The following MINDY2 variants were observed in gnomAD, a reference collection of about 807,000 sequenced individuals.
MINDY2 encodes ubiquitin carboxyl-terminal hydrolase MINDY-2.
Under a neutral mutation model 68.2 loss-of-function variants are expected in MINDY2, and 52 were observed. That is an observed-to-expected ratio of 0.76 (90% CI 0.61 to 0.96). The LOEUF (loss-of-function observed/expected upper bound fraction) is 0.96. MINDY2 is among the 40% of genes least tolerant of loss of function. MINDY2 has a pLI of 0.00. For missense variants in MINDY2, 881 were observed against 773.4 expected, an observed-to-expected ratio of 1.14 and a Z score of -1.65; for synonymous variants, 372 against 303.0, an observed-to-expected ratio of 1.23 and a Z score of -2.36.
intron 2 of MINDY2, chr15:58,796,099 C>A (rs1483283730): frequency 2.2e-6 from 1 of 455,672 alleles, no homozygotes; most frequent in Non-Finnish European, 4.4e-6. Flanking sequence ...ATCTGGGAGG[C>A]AAGGAAATGG....
chr15:58,809,568 T>C (rs1030340643), intron 3 of MINDY2, among the ~76,000 whole-genome samples: 1 of 152,240 alleles, frequency 6.6e-6, no homozygotes, highest in African/African-American at 2.4e-5. Flanking sequence ...TCAGTTATTT[T>C]AGATTCACCA....
intron 5 of MINDY2, among the ~76,000 whole-genome samples, chr15:58,828,346 C>G (rs1010811639): frequency 6.6e-6 from 1 of 152,068 alleles, no homozygotes; most frequent in Admixed American, 6.6e-5. Flanking sequence ...AAGTTAAGTT[C>G]TCACTAAGCT....
chr15:58,849,361 C>T (rs1174708444), intron 7 of MINDY2, among the ~76,000 whole-genome samples: 7 of 151,838 alleles, frequency 4.6e-5, no homozygotes, highest in Admixed American at 3.9e-4. Context: ...AAAAATTAGC[C>T]GGGCATGGTG....
At chr15:58,844,711 G>A (rs2141052439) in intron 6 of MINDY2, among the ~76,000 whole-genome samples, 1 of 151,680 alleles carries the variant, frequency 6.6e-6, no homozygotes, top group South Asian at 2.1e-4. Flanking sequence ...GAGGTCAGGA[G>A]TTCGAGACCA....
chr15:58,793,930 G>A (rs1902100675), intron 2 of MINDY2, among the ~76,000 whole-genome samples: 1 of 152,106 alleles, frequency 6.6e-6, no homozygotes, highest in African/African-American at 2.4e-5. Context: ...TACCTTTGAG[G>A]TTAGTGAAAC....
At chr15:58,849,963 C>T (rs1286324417) in intron 7 of MINDY2, among the ~76,000 whole-genome samples, 1 of 152,202 alleles carries the variant, frequency 6.6e-6, no homozygotes. Flanking sequence ...TCTCGAACTC[C>T]TGGGCTCAAG....
At chr15:58,821,649 T>C in intron 4 of MINDY2, 68 bp from the exon 5 acceptor site, 2 of 875,804 alleles carry the variant, frequency 2.3e-6, no homozygotes, top group Non-Finnish European at 1.7e-6. Flanking sequence ...TTCTAAAGAG[T>C]GATATGGCTT....
chr15:58,784,020 G>C (rs1397361541), intron 1 of MINDY2, among the ~76,000 whole-genome samples: 1 of 151,938 alleles, frequency 6.6e-6, no homozygotes, highest in Non-Finnish European at 1.5e-5. Flanking sequence ...AAATATTCTT[G>C]TGCTTATATT....
intron 8 of MINDY2, among the ~76,000 whole-genome samples, chr15:58,853,505 G>C (rs1005676872): frequency 2.8e-4 from 42 of 152,082 alleles, no homozygotes; most frequent in African/African-American, 8.9e-4. Context: ...CCAATTCTCA[G>C]GGGTTCTTTT....
intron 4 of MINDY2, among the ~76,000 whole-genome samples, chr15:58,813,592 G>C (rs536930897): frequency 6.6e-6 from 1 of 152,144 alleles, no homozygotes; most frequent in East Asian, 1.9e-4. Context: ...GTTGCTTGTT[G>C]GTTTGTGTGT....
At chr15:58,827,601 C>CT (rs2141011985) in intron 5 of MINDY2, among the ~76,000 whole-genome samples, 1 of 152,158 alleles carries the variant, frequency 6.6e-6, no homozygotes, top group South Asian at 2.1e-4. Flanking sequence ...GTAGCTGAGA[C>CT]TACAGGCGCC....
At chr15:58,788,302 A>C (rs996582328) in intron 2 of MINDY2, among the ~76,000 whole-genome samples, 1 of 152,238 alleles carries the variant, frequency 6.6e-6, no homozygotes, top group African/African-American at 2.4e-5. Context: ...GTAGACTTGA[A>C]TTAAAGACAA....
At chr15:58,804,291 A>G (rs1194735913) in intron 3 of MINDY2, among the ~76,000 whole-genome samples, 1 of 152,206 alleles carries the variant, frequency 6.6e-6, no homozygotes, top group Non-Finnish European at 1.5e-5. Context: ...TCCAATATAT[A>G]AAACCAGTAC....
intron 6 of MINDY2, among the ~76,000 whole-genome samples, chr15:58,837,505 A>G (rs1209775162): frequency 6.6e-6 from 1 of 150,478 alleles, no homozygotes; most frequent in Non-Finnish European, 1.5e-5. Context: ...CCCTGAGCCC[A>G]GGAGGGTGAG....
In MINDY2 at chr15:58,854,755, T is replaced by C; in HGVS notation, c.*145T>C. ...TTTCAGGGGAACGGTTGTTACTTAG[T>C]TACAATCAGACTTTTTCAAGTCACA... On this transcript the variant is annotated 3_prime_UTR_variant, in exon 9 of 9. Transcript: ENST00000559228. 1 of 884,782 alleles carries C rather than the reference T, an allele frequency of 1.1e-6. No individual in the cohort carries two copies. Among genetic ancestry groups the C allele is most frequent in the Non-Finnish European group, 1.6e-6 (1 of 607,096 alleles). 54.8% of individuals were successfully genotyped at this position (884,782 alleles called of 1,614,324 possible).
intron 7 of MINDY2, among the ~76,000 whole-genome samples, chr15:58,848,455 T>C (rs1265303290): frequency 1.3e-5 from 2 of 152,182 alleles, no homozygotes; most frequent in African/African-American, 4.8e-5. Flanking sequence ...CAAAAGAATA[T>C]TTAATTCTCC....
chr15:58,847,698 A>G (rs1276797345), intron 7 of MINDY2, among the ~76,000 whole-genome samples: 1 of 152,216 alleles, frequency 6.6e-6, no homozygotes, highest in Non-Finnish European at 1.5e-5. Context: ...AGAAGTTTGA[A>G]TTTTATTCTA....
intron 7 of MINDY2, among the ~76,000 whole-genome samples, chr15:58,849,715 T>G (rs755898513): frequency 6.6e-6 from 1 of 152,180 alleles, no homozygotes; most frequent in African/African-American, 2.4e-5. Flanking sequence ...AGTCATGCTA[T>G]ATATATGACA....
chr15:58,787,947 G>C lies in MINDY2; in HGVS notation c.882G>C (p.Gln294His). 6.3e-7 allele frequency: 1 copy of C among 1,590,134 alleles called. No homozygotes were observed. Among genetic ancestry groups the C allele is most frequent in the South Asian group, 1.2e-5 (1 of 85,534 alleles). The change falls in exon 2 of 9, where the codon CAG becomes CAC. Residue 294 changes from glutamine to histidine, a missense_variant. By Grantham distance (24) the Gln-to-His change is conservative (BLOSUM62 0). Transcript: ENST00000559228. Reference sequence around the variant, plus strand: ...TGATGGAAATCATAACTGCTGAGCAGCTGATGGAATATTTAGGTTAGTGTT... The same window carrying C: ...TGATGGAAATCATAACTGCTGAGCACCTGATGGAATATTTAGGTTAGTGTT... ...PPMMEIITAEQLMEYLGDYML... is the reference protein window; with the variant it reads ...PPMMEIITAEHLMEYLGDYML...
Sources: allele counts gnomAD v4.1 joint callset (sites outside exome capture counted in the v4.1 genomes callset), GRCh38; gene constraint gnomAD v4.1.1; transcripts MANE v1.5; gene names NCBI Gene and HGNC (gene_info 2026-07-23, HGNC 2026-07-21).